NEO1: variants seen among roughly 807,000 people sequenced by gnomAD.
NEO1 encodes the protein neogenin.
A neutral mutation model predicts 159.7 loss-of-function variants in NEO1; 63 were observed. That is an observed-to-expected ratio of 0.39 (90% CI 0.32 to 0.49). The LOEUF is 0.49. Ranked by LOEUF, NEO1 falls within the 20% of genes least tolerant of loss-of-function variation. The probability of loss-of-function intolerance (pLI) is 0.85; values close to 1 mark genes in which losing one functional copy is unlikely to be tolerated. For missense variants in NEO1, 1,615 were observed against 1,831.0 expected (o/e 0.88, Z 2.15); for synonymous variants, 633 against 662.0 (o/e 0.96, Z 0.67).
intron 7 of NEO1, among the ~76,000 whole-genome samples, chr15:73,195,089 A>T (rs1368856352): frequency 6.6e-6 from 1 of 152,190 alleles, no homozygotes; most frequent in Non-Finnish European, 1.5e-5. Flanking sequence ...TAATTTAATG[A>T]CTCAATGATA....
rs557596777 is a variant in NEO1 at position 73,063,458 on chromosome 15, G to A, written c.130+10653G>A. ...AAAATACATGAAAATTAGATAACAT[G>A]ATTTGGTTTTTGTTTTTATTTGATG... On this transcript the variant is annotated intron_variant, in intron 1 of 28. Coordinates refer to ENST00000261908, the MANE Select transcript of NEO1 (RefSeq NM_002499.4). Among the ~76,000 whole-genome samples, 18 of 151,956 alleles carry A rather than the reference G, an allele frequency of 1.2e-4. No homozygotes were observed. The South Asian group carries it at 3.8e-3, about 32-fold the overall frequency.
intron 1 of NEO1, among the ~76,000 whole-genome samples, chr15:73,065,867 A>G (rs2068188595): frequency 6.6e-6 from 1 of 152,082 alleles, no homozygotes; most frequent in South Asian, 2.1e-4. Flanking sequence ...GGTTCAGAAA[A>G]ACTATAGATT....
chr15:73,281,121 T>C (rs1225685983), intron 22 of NEO1, among the ~76,000 whole-genome samples: 1 of 144,474 alleles, frequency 6.9e-6, no homozygotes, highest in Non-Finnish European at 1.5e-5. Context: ...GGCAGGAGAA[T>C]GGCATGAACC....
At chr15:73,134,662 T>TGCCTCA (rs2031542249) in intron 4 of NEO1, among the ~76,000 whole-genome samples, 1 of 152,040 alleles carries the variant, frequency 6.6e-6, no homozygotes, top group Admixed American at 6.6e-5. Context: ...GCGATTCTCC[T>TGCCTCA]GCCTCAGCCT....
chr15:73,206,362 A>G (rs1275371258), intron 7 of NEO1, among the ~76,000 whole-genome samples: 1 of 152,052 alleles, frequency 6.6e-6, no homozygotes, highest in Non-Finnish European at 1.5e-5. Flanking sequence ...TGTTAATTCT[A>G]GATTGTTTAG....
rs944689907 is a variant in NEO1, at chr15:73,248,993, C to T, written c.1607-67C>T. ...AAACGTGGCCAATATGACAGTATTGCCAAGAATGGTTATTGAGGAGTGTAG... is the reference window on the plus strand; with the variant it reads ...AAACGTGGCCAATATGACAGTATTGTCAAGAATGGTTATTGAGGAGTGTAG... On this transcript the variant is annotated intron_variant, in intron 9 of 28. Coordinates refer to ENST00000261908, the MANE Select transcript of NEO1 (RefSeq NM_002499.4). The T allele has an allele frequency of 7.9e-6, 12 of 1,512,328 alleles. No homozygotes were observed. In the African/African-American group the frequency reaches 1.7e-4, roughly 21 times the overall value. 93.7% of individuals were successfully genotyped at this position (1,512,328 alleles called of 1,614,324 possible).
intron 26 of NEO1, among the ~76,000 whole-genome samples, chr15:73,294,311 T>G (rs2042271592): frequency 6.6e-6 from 1 of 152,202 alleles, no homozygotes; most frequent in Non-Finnish European, 1.5e-5. Flanking sequence ...TCATCCTCAG[T>G]TTTAAACGGC....
At chr15:73,228,037 T>A (rs1220781288) in intron 7 of NEO1, among the ~76,000 whole-genome samples, 1 of 152,222 alleles carries the variant, frequency 6.6e-6, no homozygotes, top group Non-Finnish European at 1.5e-5. Flanking sequence ...ACATCCTTTT[T>A]TTTCCTAGTG....
intron 1 of NEO1, among the ~76,000 whole-genome samples, chr15:73,102,153 G>T (rs1469618020): frequency 7.9e-5 from 12 of 152,150 alleles, no homozygotes; most frequent in Non-Finnish European, 1.2e-4. Flanking sequence ...GGATCATGAG[G>T]TCGGGAGTTC....
At chr15:73,118,843 G>T (rs966281446) in intron 2 of NEO1, among the ~76,000 whole-genome samples, 1 of 152,182 alleles carries the variant, frequency 6.6e-6, no homozygotes, top group Non-Finnish European at 1.5e-5. Context: ...TATACATACT[G>T]TGATTTATTT....
chr15:73,128,070 T>C (rs924896668), intron 4 of NEO1, among the ~76,000 whole-genome samples: 20 of 152,164 alleles, frequency 1.3e-4, no homozygotes, highest in African/African-American at 4.8e-4. Context: ...AATCAGATTG[T>C]TCCCCACGTG....
intron 11 of NEO1, among the ~76,000 whole-genome samples, chr15:73,249,947 A>G (rs759777928): frequency 1.3e-5 from 2 of 152,268 alleles, no homozygotes; most frequent in African/African-American, 2.4e-5. Context: ...AGCATAGAGC[A>G]TAAAGTGCCT....
chr15:73,120,113 G>A (rs575712226), intron 2 of NEO1, among the ~76,000 whole-genome samples: 139 of 152,084 alleles, frequency 9.1e-4, no homozygotes, highest in African/African-American at 3.2e-3. Context: ...TCCAGCATGG[G>A]TGACAGAGTG....
intron 13 of NEO1, among the ~76,000 whole-genome samples, chr15:73,258,111 A>G (rs1439827197): frequency 1.3e-5 from 2 of 152,144 alleles, no homozygotes; most frequent in African/African-American, 2.4e-5. Context: ...TTCTATGTGC[A>G]TGTTTGTTGC....
At chr15:73,252,119 A>G (rs1483843371) in intron 11 of NEO1, among the ~76,000 whole-genome samples, 1 of 152,228 alleles carries the variant, frequency 6.6e-6, no homozygotes, top group African/African-American at 2.4e-5. Flanking sequence ...GCACTTTGCT[A>G]GGCACAAGTT....
At chr15:73,280,613 G>A (rs556716937) in intron 22 of NEO1, among the ~76,000 whole-genome samples, 1 of 152,228 alleles carries the variant, frequency 6.6e-6, no homozygotes, top group Non-Finnish European at 1.5e-5. Context: ...ACTCTAATAT[G>A]AACAGTATGG....
intron 13 of NEO1, among the ~76,000 whole-genome samples, chr15:73,257,137 A>AAAAAAAT (rs2040400496): frequency 8.5e-6 from 1 of 118,300 alleles, no homozygotes; most frequent in African/African-American, 4.2e-5. Context: ...GTCTCCAAAA[A>AAAAAAAT]AAAAAAAAAA....
At chr15:73,064,951 T>C (rs1273671003) in intron 1 of NEO1, among the ~76,000 whole-genome samples, 1 of 152,152 alleles carries the variant, frequency 6.6e-6, no homozygotes, top group African/African-American at 2.4e-5. Context: ...CCCCTTTCTC[T>C]CTTTTCCTGC....
chr15:73,073,839 A>T (rs1170303151), intron 1 of NEO1, among the ~76,000 whole-genome samples: 1 of 152,170 alleles, frequency 6.6e-6, no homozygotes, highest in Admixed American at 6.5e-5. Flanking sequence ...TGTAAATTAT[A>T]TGGGAATAGT....
Sources: allele counts gnomAD v4.1 joint callset (sites outside exome capture counted in the v4.1 genomes callset), GRCh38; gene constraint gnomAD v4.1.1; transcripts MANE v1.5; gene names NCBI Gene and HGNC (gene_info 2026-07-23, HGNC 2026-07-21).